The following PPM1L variants were observed in gnomAD, a reference collection of about 807,000 sequenced individuals.
PPM1L encodes protein phosphatase 1L.
A neutral mutation model predicts 31.4 loss-of-function variants in PPM1L; 13 were observed. That is an observed-to-expected ratio of 0.41 (90% confidence interval 0.27 to 0.66). The LOEUF is 0.66. PPM1L is among the 30% of genes least tolerant of loss of function. PPM1L has a pLI of 0.29. For synonymous variants in PPM1L, 184 were observed against 175.4 expected (o/e 1.05, Z -0.39); for missense variants, 326 against 453.7 (o/e 0.72, Z 2.56).
At position 161,069,179 on chromosome 3, in the gene PPM1L, C is replaced by T; in HGVS notation, c.*22C>T. ...GTGAACCCTTCAGGGGTCTCAGCTG[C>T]CTTAGACTAAAGGACTTTCAACACA... On this transcript the variant is annotated 3_prime_UTR_variant, in exon 4 of 4. Coordinates refer to ENST00000498165, the MANE Select transcript of PPM1L (RefSeq NM_139245.4). 6.4e-7 allele frequency: 1 copy of T among 1,556,548 alleles called. No individual in the cohort carries two copies. The highest frequency in any genetic ancestry group is 8.8e-7 in the Non-Finnish European group (1 of 1,141,882).
At chr3:161,056,923 C>T (rs1719429013) in intron 2 of PPM1L, among the ~76,000 whole-genome samples, 1 of 151,960 alleles carries the variant, frequency 6.6e-6, no homozygotes, top group Admixed American at 6.6e-5. Flanking sequence ...TTAGCCTGGG[C>T]ATGGTGGCGC....
chr3:161,062,473 T>A (rs1719601629), intron 2 of PPM1L, among the ~76,000 whole-genome samples: 4 of 152,082 alleles, frequency 2.6e-5, no homozygotes, highest in Admixed American at 2.6e-4. Flanking sequence ...CTACCCTCTA[T>A]CCCTATATTT....
At chr3:160,819,525 C>G (rs141849134) in intron 1 of PPM1L, among the ~76,000 whole-genome samples, 27 of 152,000 alleles carry the variant, frequency 1.8e-4, no homozygotes, top group Non-Finnish European at 3.5e-4. Context: ...TTCACTCATT[C>G]TCAGCAAATA....
In PPM1L at chr3:160,820,445, A is replaced by G. The variant is rs1028824774; in HGVS notation, c.399+63738A>G. Among the ~76,000 whole-genome samples, 3 of 152,240 alleles carry G rather than the reference A, an allele frequency of 2.0e-5. No homozygotes were observed. The East Asian group carries it at 5.8e-4, about 29-fold the overall frequency. On this transcript the variant is annotated intron_variant, in intron 1 of 3. Transcript: ENST00000498165. ...GAACCCCATATTCACAGTACCTAGC[A>G]TAAAAAGTTAAGTATATTAGTCCTC...
chr3:160,868,301 C>T (rs987808907), intron 1 of PPM1L, among the ~76,000 whole-genome samples: 2 of 152,178 alleles, frequency 1.3e-5, no homozygotes, highest in Non-Finnish European at 1.5e-5. Context: ...CATTTTCCAC[C>T]TGGAGAAGTA....
intron 1 of PPM1L, among the ~76,000 whole-genome samples, chr3:160,890,721 A>C (rs12638359): frequency 0.024 from 3,615 of 152,316 alleles, 118 homozygotes; most frequent in African/African-American, 0.067. Flanking sequence ...ACCTGACTTC[A>C]AATTATACTA....
chr3:161,027,877 C>A (rs752301360), intron 2 of PPM1L, among the ~76,000 whole-genome samples: 4 of 152,190 alleles, frequency 2.6e-5, no homozygotes, highest in Non-Finnish European at 5.9e-5. Flanking sequence ...AAATGAGAAA[C>A]TGAATAAAAC....
chr3:160,769,227 A>C (rs1178116424), intron 1 of PPM1L, among the ~76,000 whole-genome samples: 3 of 152,222 alleles, frequency 2.0e-5, no homozygotes, highest in Admixed American at 1.3e-4. Flanking sequence ...AGCTAGGAAG[A>C]AGGAGAAGTG....
chr3:161,049,189 G>A (rs1218384617), intron 2 of PPM1L, among the ~76,000 whole-genome samples: 1 of 151,494 alleles, frequency 6.6e-6, no homozygotes, highest in East Asian at 1.9e-4. Context: ...GGGGTGGGAG[G>A]ATCACTTGAG....
chr3:160,800,557 G>A (rs1447571834), intron 1 of PPM1L, among the ~76,000 whole-genome samples: 1 of 152,062 alleles, frequency 6.6e-6, no homozygotes. Flanking sequence ...GAAATCTTCT[G>A]AGTTTTTTTC....
At chr3:161,010,057 G>A (rs1046084528) in intron 2 of PPM1L, among the ~76,000 whole-genome samples, 18 of 152,026 alleles carry the variant, frequency 1.2e-4, no homozygotes, top group Non-Finnish European at 8.8e-5. Flanking sequence ...ACAATGTGCA[G>A]GTTTGTTACA....
intron 2 of PPM1L, among the ~76,000 whole-genome samples, chr3:160,965,467 CTT>C (rs772626167): frequency 9.2e-5 from 14 of 152,064 alleles, no homozygotes; most frequent in Non-Finnish European, 2.1e-4. Flanking sequence ...AGATTCAACA[CTT>C]TATTCCCTTT....
intron 1 of PPM1L, among the ~76,000 whole-genome samples, chr3:160,785,270 A>G (rs978773706): frequency 6.6e-6 from 1 of 152,186 alleles, no homozygotes; most frequent in African/African-American, 2.4e-5. Context: ...AGTTTTCTAT[A>G]CATTTTTAAG....
intron 2 of PPM1L, among the ~76,000 whole-genome samples, chr3:160,977,159 T>C (rs914511230): frequency 1.3e-5 from 2 of 152,198 alleles, no homozygotes; most frequent in Non-Finnish European, 2.9e-5. Context: ...CCCAGAGGAA[T>C]TATCTTTGTG....
chr3:160,952,520 C>A lies in PPM1L; in HGVS notation c.400-9216C>A, dbSNP rs1715605849. Among the ~76,000 whole-genome samples the A allele has an allele frequency of 2.0e-5, 3 of 152,184 alleles. No individual in the cohort carries two copies. The South Asian group carries it at 6.2e-4, about 31-fold the overall frequency. ...CCCTCGGTGACCATTTCCCTAAATTCAGCCCTTTTTCTACTCAGTATTTGC... is the reference window on the plus strand; with the variant it reads ...CCCTCGGTGACCATTTCCCTAAATTAAGCCCTTTTTCTACTCAGTATTTGC... On this transcript the variant is annotated intron_variant, in intron 1 of 3. Transcript: ENST00000498165.
chr3:160,987,176 A>G (rs1188373066), intron 2 of PPM1L, among the ~76,000 whole-genome samples: 1 of 152,214 alleles, frequency 6.6e-6, no homozygotes, highest in Non-Finnish European at 1.5e-5. Context: ...AGGACTAGAA[A>G]GGTATGCTGG....
rs201021777 is a variant in PPM1L at position 161,065,394 on chromosome 3, A to C, written c.575-9A>C. 5.0e-6 allele frequency: 8 copies of C among 1,612,996 alleles called. No homozygotes were observed. The highest frequency in any genetic ancestry group is 6.8e-6 in the Non-Finnish European group (8 of 1,179,324). On this transcript the variant is annotated splice_polypyrimidine_tract_variant and intron_variant, in intron 2 of 3. Transcript: ENST00000498165. ...ACCTCCCGCGTTCTCTCTCTCTTCT[A>C]TTTTTCAGGCACAACGTGTTTGATT...
intron 1 of PPM1L, among the ~76,000 whole-genome samples, chr3:160,879,623 G>A (rs183111762): frequency 1.4e-4 from 21 of 152,244 alleles, no homozygotes; most frequent in Non-Finnish European, 3.1e-4. Flanking sequence ...AATAATTTGG[G>A]TGACATATGG....
At chr3:160,925,439 A>T (rs532113971) in intron 1 of PPM1L, among the ~76,000 whole-genome samples, 1 of 152,194 alleles carries the variant, frequency 6.6e-6, no homozygotes, top group Non-Finnish European at 1.5e-5. Context: ...CATCAATTCA[A>T]TTGAGTTTGG....
Sources: allele counts gnomAD v4.1 joint callset (sites outside exome capture counted in the v4.1 genomes callset), GRCh38; gene constraint gnomAD v4.1.1; transcripts MANE v1.5; gene names NCBI Gene and HGNC (gene_info 2026-07-23, HGNC 2026-07-21).